The following MAP3K4 variants were observed in gnomAD, a reference collection of about 807,000 sequenced individuals.
MAP3K4 encodes the protein MAP three kinase 1.
A neutral mutation model predicts 185.6 loss-of-function variants in MAP3K4; 67 were observed. The ratio of observed to expected loss-of-function variants is 0.36; its 90% confidence interval spans 0.30 to 0.44. MAP3K4 has a LOEUF of 0.44. Among genes scored for constraint, MAP3K4 ranks in the 20% least tolerant of loss-of-function variants. MAP3K4 has a pLI of 1.00. For synonymous variants in MAP3K4, 702 were observed against 710.4 expected (o/e 0.99, Z 0.19); for missense variants, 1,551 against 1,995.1 (o/e 0.78, Z 4.24).
Position 161,067,283 on chromosome 6 carries a change from C to T in MAP3K4, c.1708-3325C>T, listed in dbSNP as rs906851906. ...AGGACAACTCGAAGCAGGGATGGGGCTTGCAGGTCACAGGTAGGTAAGAGA... is the reference window on the plus strand; with the variant it reads ...AGGACAACTCGAAGCAGGGATGGGGTTTGCAGGTCACAGGTAGGTAAGAGA... On this transcript the variant is annotated intron_variant, in intron 3 of 26. Transcript: ENST00000392142. This position sits in a 1 kb window ranked among gnomAD's most constrained non-coding sequence, Gnocchi z 6.3. 1.6e-5 allele frequency: 7 copies of T among 438,338 alleles called. No homozygotes were observed. Among genetic ancestry groups the T allele is most frequent in the East Asian group, 7.7e-5 (1 of 13,018 alleles). The allele number at this position is 438,338 out of a possible 1,614,324, so 27.2% of individuals were successfully genotyped here.
In MAP3K4 at chr6:161,007,658, G is replaced by A. The variant is rs628923; in HGVS notation, c.152+15575G>A. 0.093 allele frequency among the ~76,000 whole-genome samples: 14,092 copies of A among 152,134 alleles called. 829 individuals are homozygous for A. The highest frequency in any genetic ancestry group is 0.13 in the Non-Finnish European group (9,019 of 67,974). ...TGTATAGCCTCTGAAAATCTGTAAA[G>A]GTTTTTCTCCTTTTTAAAAAAATTG... On this transcript the variant is annotated intron_variant, in intron 1 of 26. Transcript: ENST00000392142. The surrounding 1 kb of genome is among the most constrained non-coding windows in gnomAD (Gnocchi z 4.5).
At position 161,073,394 on chromosome 6, in the gene MAP3K4, T is replaced by A. The variant is rs573286098; in HGVS notation, c.1951-72T>A. 2.0e-4 allele frequency: 284 copies of A among 1,410,822 alleles called. 6 individuals are homozygous for A. The South Asian group carries it at 3.0e-3, about 15-fold the overall frequency. The allele number at this position is 1,410,822 out of a possible 1,614,324, so 87.4% of individuals were successfully genotyped here. On this transcript the variant is annotated intron_variant, in intron 4 of 26. Transcript: ENST00000392142. The surrounding 1 kb of genome is among the most constrained non-coding windows in gnomAD (Gnocchi z 4.2). ...CCTCTGAGTTTTTTGAAGATTTAAG[T>A]AGGAAGATATAAAACACGGATCGTC...
intron 1 of MAP3K4, among the ~76,000 whole-genome samples, chr6:161,003,811 A>C (rs1781445110): frequency 1.3e-5 from 2 of 152,304 alleles, no homozygotes; most frequent in African/African-American, 2.4e-5. Flanking sequence ...TTGTTGTACA[A>C]GACAAGATTA....
At chr6:161,081,985 T>C (rs1481314085) in intron 6 of MAP3K4, among the ~76,000 whole-genome samples, 1 of 152,176 alleles carries the variant, frequency 6.6e-6, no homozygotes, top group African/African-American at 2.4e-5. Flanking sequence ...CCCGTCAGCG[T>C]GACTTCTGCA....
In MAP3K4 at chr6:161,112,752, T is replaced by C; in HGVS notation, c.4604T>C (p.Val1535Ala). The C allele has an allele frequency of 6.2e-7, 1 of 1,604,948 alleles. No homozygotes were observed. Among genetic ancestry groups the C allele is most frequent in the Non-Finnish European group, 8.5e-7 (1 of 1,176,592 alleles). ...AADIWSLGCVVIEMVTGKRPW... is the reference protein window; with the variant it reads ...AADIWSLGCVAIEMVTGKRPW... ...GACATCTGGAGTCTGGGGTGTGTTG[T>C]CATAGAGATGGTGACTGGCAAGGTA... Residue 1535 changes from valine to alanine, a missense_variant, in exon 25 of 27, where the codon GTC (valine) becomes GCC (alanine). By Grantham distance (64) the Val-to-Ala change is moderately conservative. Around this residue, in one of 16 missense-constraint regions of MAP3K4, gnomAD observed 159 missense variants for 300.5 expected, o/e 0.53. Transcript: ENST00000392142. The surrounding 1 kb of genome is among the most constrained non-coding windows in gnomAD (Gnocchi z 5.1).
chr6:161,018,302 T>C (rs1157436926), intron 1 of MAP3K4, among the ~76,000 whole-genome samples: 1 of 152,156 alleles, frequency 6.6e-6, no homozygotes, highest in Non-Finnish European at 1.5e-5. Flanking sequence ...TTGTGTGGAA[T>C]AGAAACTCTG....
Position 161,077,769 on chromosome 6 carries a change from TGA to T in MAP3K4, c.2098-3110_2098-3109del, listed in dbSNP as rs1309259257. ...TGGGTGTCCAGCTCCTGCAGCTGTG[TGA>T]GTGGTGAAGATGTGAGTCCGGTGAG... On this transcript the variant is annotated intron_variant, in intron 5 of 26. Coordinates refer to ENST00000392142, the MANE Select transcript of MAP3K4 (RefSeq NM_005922.4). The surrounding 1 kb of genome is among the most constrained non-coding windows in gnomAD (Gnocchi z 4.3). Among the ~76,000 whole-genome samples the T allele has an allele frequency of 6.6e-6, 1 of 152,146 alleles. No homozygotes were observed. The highest frequency in any genetic ancestry group is 1.5e-5 in the Non-Finnish European group (1 of 68,026).
chr6:161,018,296 G>A (rs557562533), intron 1 of MAP3K4, among the ~76,000 whole-genome samples: 2 of 152,300 alleles, frequency 1.3e-5, no homozygotes, highest in East Asian at 3.9e-4. Flanking sequence ...AGTAGATTGT[G>A]TGGAATAGAA....
chr6:161,093,309 A>G lies in MAP3K4; in HGVS notation c.3348+253A>G, dbSNP rs1463397276. Among the ~76,000 whole-genome samples, 3 of 152,004 alleles carry G rather than the reference A, an allele frequency of 2.0e-5. No homozygotes were observed. Among genetic ancestry groups the G allele is most frequent in the Non-Finnish European group, 2.9e-5 (2 of 68,002 alleles). ...CTGGCCCTTCTAAAATATTTGTGAGATTTATATTTTTACTGCCATCATAGC... is the reference window on the plus strand; with the variant it reads ...CTGGCCCTTCTAAAATATTTGTGAGGTTTATATTTTTACTGCCATCATAGC... On this transcript the variant is annotated intron_variant, in intron 14 of 26. Transcript: ENST00000392142. The surrounding 1 kb of genome is among the most constrained non-coding windows in gnomAD (Gnocchi z 5.2).
chr6:161,098,719 A>G lies in MAP3K4; in HGVS notation c.3674+292A>G, dbSNP rs1030960048. Reference sequence around the variant, plus strand: ...TATCATAGGAAAGGACTGGTCCACAACAGAAGGGGACATGAGCATTTTGCC... The same window carrying G: ...TATCATAGGAAAGGACTGGTCCACAGCAGAAGGGGACATGAGCATTTTGCC... On this transcript the variant is annotated intron_variant, in intron 17 of 26. Transcript: ENST00000392142. This position sits in a 1 kb window ranked among gnomAD's most constrained non-coding sequence, Gnocchi z 4.4. 4.6e-5 allele frequency among the ~76,000 whole-genome samples: 7 copies of G among 152,218 alleles called. No homozygotes were observed. The highest frequency in any genetic ancestry group is 1.7e-4 in the African/African-American group (7 of 41,460).
Position 161,048,147 on chromosome 6 carries a change from C to CA in MAP3K4, c.344-467dup, listed in dbSNP as rs1244708986. ...CTTGCATCAATGTGCCTAATTTTAT[C>CA]AATGAGAAAAGTAATCCAGATAATT... On this transcript the variant is annotated intron_variant, in intron 2 of 26. Transcript: ENST00000392142. The surrounding 1 kb of genome is among the most constrained non-coding windows in gnomAD (Gnocchi z 4.7). 4 of 463,948 alleles carry CA rather than the reference C, an allele frequency of 8.6e-6. No individual in the cohort carries two copies. The highest frequency in any genetic ancestry group is 1.7e-5 in the Non-Finnish European group (4 of 232,046). 28.7% of individuals were successfully genotyped at this position (463,948 alleles called of 1,614,324 possible). A position where few individuals can be genotyped will look rare whatever the true frequency, so the allele number is the denominator to read the frequency against.
At chr6:161,040,904 T>C (rs1783420377) in intron 2 of MAP3K4, among the ~76,000 whole-genome samples, 1 of 152,248 alleles carries the variant, frequency 6.6e-6, no homozygotes, top group Admixed American at 6.5e-5. Context: ...TCAAACACTG[T>C]TCTGCATGCT....
In MAP3K4 at chr6:161,109,346, C is replaced by CA. The variant is rs1213898875; in HGVS notation, c.4237-408dup. ...CATCGTGGTGTAGAGCATGAGCTTC[C>CA]AGGGGAAGTTGGAAATGGATCATTT... On this transcript the variant is annotated intron_variant, in intron 22 of 26. Transcript: ENST00000392142. The surrounding 1 kb of genome is among the most constrained non-coding windows in gnomAD (Gnocchi z 5.7). Among the ~76,000 whole-genome samples the CA allele has an allele frequency of 1.3e-5, 2 of 151,758 alleles. No homozygotes were observed. The highest frequency in any genetic ancestry group is 2.9e-5 in the Non-Finnish European group (2 of 67,916).
rs1778272837 is a variant in MAP3K4, at chr6:161,110,002, C to T, written c.4396+88C>T. 3 of 1,367,148 alleles carry T rather than the reference C, an allele frequency of 2.2e-6. No homozygotes were observed. The highest frequency in any genetic ancestry group is 3.1e-6 in the Non-Finnish European group (3 of 973,956). The allele number at this position is 1,367,148 out of a possible 1,614,324, so 84.7% of individuals were successfully genotyped here. A position where few individuals can be genotyped will look rare whatever the true frequency, so the allele number is the denominator to read the frequency against. On this transcript the variant is annotated intron_variant, in intron 23 of 26. Coordinates refer to ENST00000392142, the MANE Select transcript of MAP3K4 (RefSeq NM_005922.4). This position sits in a 1 kb window ranked among gnomAD's most constrained non-coding sequence, Gnocchi z 4.8. ...GCTCTGAAGACGCTCATCCCATTCC[C>T]ACATATGATTTCTCTAGATGGAAAT...
rs1442583347 is a variant in MAP3K4 at position 161,048,802 on chromosome 6, A to T, written c.530A>T (p.Lys177Ile). ...TCAGTGGGTGGATCTTTGCCAAAAA[A>T]ATCAATTCCAGATGTGGATCTCAAT... is the stretch of plus-strand genomic sequence containing the variant. Reference protein sequence around the residue: ...LDSVGGSLPKKSIPDVDLNKP... With the variant: ...LDSVGGSLPKISIPDVDLNKP... Residue 177 changes from lysine to isoleucine, a missense_variant, in exon 3 of 27, where the codon AAA becomes ATA. By Grantham distance (102) the Lys-to-Ile change is moderately radical. Coordinates refer to ENST00000392142, the MANE Select transcript of MAP3K4 (RefSeq NM_005922.4). This position sits in a 1 kb window ranked among gnomAD's most constrained non-coding sequence, Gnocchi z 4.7. 1 of 1,614,152 alleles carries T rather than the reference A, an allele frequency of 6.2e-7. No homozygotes were observed. The highest frequency in any genetic ancestry group is 2.2e-5 in the East Asian group (1 of 44,874).
intron 2 of MAP3K4, among the ~76,000 whole-genome samples, chr6:161,047,279 CA>C (rs5881389): frequency 5.5e-5 from 8 of 145,584 alleles, no homozygotes; most frequent in Admixed American, 6.8e-5. Context: ...TGTCTCTACC[CA>C]AAAAAAAAAA....
intron 1 of MAP3K4, among the ~76,000 whole-genome samples, chr6:161,016,374 T>A (rs1182343083): frequency 6.6e-6 from 1 of 152,252 alleles, no homozygotes; most frequent in Non-Finnish European, 1.5e-5. Flanking sequence ...GTTTATCTGT[T>A]TTGTCTTTTG....
At position 161,064,907 on chromosome 6, in the gene MAP3K4, C is replaced by T. The variant is rs1187125938; in HGVS notation, c.1708-5701C>T. On this transcript the variant is annotated intron_variant, in intron 3 of 26. Coordinates refer to ENST00000392142, the MANE Select transcript of MAP3K4 (RefSeq NM_005922.4). The surrounding 1 kb of genome is among the most constrained non-coding windows in gnomAD (Gnocchi z 4.3). ...GGAGGGACCCATGGGCCAATGCCTT[C>T]GTGGAGTCCAAGGTATTGTCCAAAC... 2.0e-5 allele frequency among the ~76,000 whole-genome samples: 3 copies of T among 152,156 alleles called. No homozygotes were observed. Among genetic ancestry groups the T allele is most frequent in the East Asian group, 1.9e-4 (1 of 5,186 alleles).
chr6:161,111,776 T>C (rs1204003113), intron 23 of MAP3K4, 60 bp from the exon 24 acceptor site: 12 of 1,517,130 alleles, frequency 7.9e-6, no homozygotes, highest in East Asian at 2.4e-5. Flanking sequence ...TAGATTACCA[T>C]GTAACCTTGC....
Sources: allele counts gnomAD v4.1 joint callset (sites outside exome capture counted in the v4.1 genomes callset), GRCh38; gene constraint gnomAD v4.1.1; regional missense constraint gnomAD v4.1.1; non-coding constraint Gnocchi (gnomAD v3.1); transcripts MANE v1.5; gene names NCBI Gene and HGNC (gene_info 2026-07-23, HGNC 2026-07-21).